METTL9: variants seen among roughly 807,000 people sequenced by gnomAD.
METTL9 encodes the protein methyltransferase 9, His-X-His N1(pi)-histidine.
A neutral mutation model predicts 36.0 loss-of-function variants in METTL9; 10 were observed. That is an observed-to-expected ratio of 0.28 (90% CI 0.17 to 0.47). The LOEUF is 0.47. Ranked by LOEUF, METTL9 falls within the 20% of genes least tolerant of loss-of-function variation. METTL9 has a pLI of 0.99. For synonymous variants in METTL9, 175 were observed against 149.7 expected, an observed-to-expected ratio of 1.17 and a Z score of -1.23; for missense variants, 246 against 383.5, an observed-to-expected ratio of 0.64 and a Z score of 3.00.
chr16:21,642,562 A>G (rs1367413094), intron 4 of METTL9, among the ~76,000 whole-genome samples: 1 of 152,248 alleles, frequency 6.6e-6, no homozygotes, highest in Non-Finnish European at 1.5e-5. Context: ...GAATACTTTC[A>G]GGATGTATTA....
intron 4 of METTL9, chr16:21,651,842 G>A (rs1157821612): frequency 1.3e-5 from 2 of 151,932 alleles, no homozygotes; most frequent in African/African-American, 4.8e-5. Flanking sequence ...GTCTATGAAA[G>A]TAATATATAC....
intron 3 of METTL9, among the ~76,000 whole-genome samples, chr16:21,622,141 C>T (rs1171534297): frequency 3.7e-4 from 13 of 34,920 alleles, no homozygotes; most frequent in Admixed American, 9.2e-4. Flanking sequence ...CATGCCTGGC[C>T]TTTTTTTTTT....
chr16:21,603,712 T>G (rs968030074), intron 1 of METTL9, among the ~76,000 whole-genome samples: 37 of 152,096 alleles, frequency 2.4e-4, no homozygotes, highest in Admixed American at 2.4e-3. Flanking sequence ...TTCAGTAGCT[T>G]CTCAATTGAT....
intron 3 of METTL9, among the ~76,000 whole-genome samples, chr16:21,621,109 A>G (rs1422846238): frequency 2.0e-5 from 3 of 152,054 alleles, no homozygotes; most frequent in Admixed American, 6.5e-5. Context: ...AGCTGGGACT[A>G]CAGGTGCCTG....
intron 4 of METTL9, chr16:21,627,206 G>A: frequency 1.0e-6 from 1 of 985,394 alleles, no homozygotes. Context: ...CATGAGGACT[G>A]GGAGATGCAA....
intron 2 of METTL9, among the ~76,000 whole-genome samples, chr16:21,617,130 A>G (rs1965571689): frequency 6.6e-6 from 1 of 152,160 alleles, no homozygotes; most frequent in Non-Finnish European, 1.5e-5. Flanking sequence ...CATAAAAGAT[A>G]ATATCTTTGC....
intron 3 of METTL9, among the ~76,000 whole-genome samples, chr16:21,623,440 A>G (rs1173618014): frequency 6.6e-6 from 1 of 152,206 alleles, no homozygotes; most frequent in South Asian, 2.1e-4. Flanking sequence ...CAACATTACT[A>G]AAGACTTGTT....
rs1966736407 is a variant in METTL9 at position 21,657,468 on chromosome 16, A to G, written c.*2036A>G. 1 of 152,214 alleles carries G rather than the reference A, an allele frequency of 6.6e-6. No individual in the cohort carries two copies. Among genetic ancestry groups the G allele is most frequent in the South Asian group, 2.1e-4 (1 of 4,832 alleles). 9.4% of individuals were successfully genotyped at this position (152,214 alleles called of 1,614,324 possible). A position where few individuals can be genotyped will look rare whatever the true frequency, so the allele number is the denominator to read the frequency against. ...AGTACAATAAAGCTGCCTTGTCTGC[A>G]CCATTCCTCGTGTAAGTGCTTCATA... is the stretch of plus-strand genomic sequence containing the variant. On this transcript the variant is annotated 3_prime_UTR_variant, in exon 5 of 5. Transcript: ENST00000358154.
At chr16:21,602,814 C>T (rs952154079) in intron 1 of METTL9, among the ~76,000 whole-genome samples, 3 of 152,028 alleles carry the variant, frequency 2.0e-5, no homozygotes, top group Admixed American at 6.6e-5. Flanking sequence ...AACACCACCA[C>T]GCCCAGATAA....
chr16:21,635,624 G>T (rs1321119179), intron 4 of METTL9, among the ~76,000 whole-genome samples: 1 of 152,090 alleles, frequency 6.6e-6, no homozygotes, highest in East Asian at 1.9e-4. Context: ...CCCCATCAGA[G>T]AGAGAATATT....
rs1276654659 is a variant in METTL9, at chr16:21,622,105, G to A, written c.567-2826G>A. Among the ~76,000 whole-genome samples the A allele has an allele frequency of 2.2e-5, 3 of 139,206 alleles. No homozygotes were observed. The East Asian group carries it at 6.6e-4, about 31-fold the overall frequency. 91.3% of individuals were successfully genotyped at this position (139,206 alleles called of 152,430 possible). A position where few individuals can be genotyped will look rare whatever the true frequency, so the allele number is the denominator to read the frequency against. On this transcript the variant is annotated intron_variant, in intron 3 of 4. Coordinates refer to ENST00000358154, the MANE Select transcript of METTL9 (RefSeq NM_016025.5). ...AATCTGCCCGCTTTGGCCTCCCAAA[G>A]TGCTAGGATTATAGGTGTGAGCCAC...
At chr16:21,618,101 TTTC>T in intron 3 of METTL9, 27 bp downstream of exon 3, 1 of 1,436,176 alleles carries the variant, frequency 7.0e-7, no homozygotes, top group South Asian at 1.4e-5. Context: ...TTTAGATGCA[TTTC>T]TTCTTGAAAG....
At chr16:21,598,144 A>AAAG (rs1964993983), upstream of METTL9, 1 of 152,216 alleles carries the variant, frequency 6.6e-6, no homozygotes. Context: ...AGGTCAAGAG[A>AAAG]TGGAGACCAT....
chr16:21,643,329 A>G (rs1429441754), intron 4 of METTL9, among the ~76,000 whole-genome samples: 1 of 152,206 alleles, frequency 6.6e-6, no homozygotes, highest in Non-Finnish European at 1.5e-5. Context: ...AATATAATTT[A>G]TGGTTGAGAA....
chr16:21,656,747 C>T lies in METTL9; in HGVS notation c.*1315C>T, dbSNP rs1486280750. On this transcript the variant is annotated 3_prime_UTR_variant, in exon 5 of 5. Coordinates refer to ENST00000358154, the MANE Select transcript of METTL9 (RefSeq NM_016025.5). ...AGTCATCAGATCAACACATTCACTC[C>T]AACACCTGGGTATAAAGGCGAATTA... is the stretch of plus-strand genomic sequence containing the variant. The T allele has an allele frequency of 1.3e-5, 2 of 152,108 alleles. No homozygotes were observed. Among genetic ancestry groups the T allele is most frequent in the African/African-American group, 4.8e-5 (2 of 41,418 alleles). 9.4% of individuals were successfully genotyped at this position (152,108 alleles called of 1,614,324 possible).
intron 4 of METTL9, chr16:21,626,928 T>G (rs1393891363): frequency 1.0e-6 from 1 of 982,542 alleles, no homozygotes; most frequent in Non-Finnish European, 1.2e-6. Flanking sequence ...CTTGTGTTTC[T>G]GATGCTAAAA....
In METTL9 at chr16:21,655,274, C is replaced by G; in HGVS notation, c.799C>G (p.Gln267Glu). 6.2e-7 allele frequency: 1 copy of G among 1,614,156 alleles called. No individual in the cohort carries two copies. Among genetic ancestry groups the G allele is most frequent in the Non-Finnish European group, 8.5e-7 (1 of 1,180,018 alleles). ...ATCAGAAATTTTGGAAATCAAAGGA[C>G]AGAACTGGGAAGAACAAGTGAATAG... is the stretch of plus-strand genomic sequence containing the variant. ...KPSEILEIKGQNWEEQVNSLP... is the reference protein window; with the variant it reads ...KPSEILEIKGENWEEQVNSLP... The change falls in exon 5 of 5, where the codon CAG (glutamine) becomes GAG (glutamate). Residue 267 changes from glutamine (Q) to glutamate (E), a missense_variant. Physicochemically the swap from Gln to Glu is conservative, Grantham distance 29 (BLOSUM62 2). Transcript: ENST00000358154.
chr16:21,647,182 C>T (rs576841517), intron 4 of METTL9: 31 of 1,614,126 alleles, frequency 1.9e-5, no homozygotes, highest in South Asian at 1.6e-4. Flanking sequence ...CTCTCGCTTC[C>T]GGCACACTGG....
chr16:21,624,898 T>C, intron 3 of METTL9, 33 bp from the exon 4 acceptor site: 2 of 1,591,882 alleles, frequency 1.3e-6, no homozygotes, highest in Non-Finnish European at 1.7e-6. Context: ...TAGAGGGACT[T>C]TATGTTAATA....
Sources: gnomAD v4.1 joint callset for allele counts (sites outside exome capture counted in the v4.1 genomes callset) on GRCh38, gnomAD v4.1.1 for gene constraint, MANE v1.5 for transcripts, NCBI Gene and HGNC (gene_info 2026-07-23, HGNC 2026-07-21) for gene names.